Variants in GLIS3 observed in about 807,000 individuals in gnomAD.
GLIS3 encodes the protein zinc finger protein GLIS3.
GLIS3 carries 53 observed loss-of-function variants against 78.6 expected under a neutral mutation model. The ratio of observed to expected loss-of-function variants is 0.67; its 90% CI spans 0.54 to 0.85. The LOEUF (loss-of-function observed/expected upper bound fraction) is 0.85, where lower values mean the gene tolerates loss of function less well. Among genes scored for constraint, GLIS3 ranks in the 40% least tolerant of loss-of-function variants. The probability of loss-of-function intolerance (pLI) is 0.00; values close to 1 mark genes in which losing one functional copy is unlikely to be tolerated. For synonymous variants in GLIS3, 684 were observed against 509.9 expected (o/e 1.34, Z -4.60); for missense variants, 1,703 against 1,231.1 (o/e 1.38, Z -5.74).
chr9:4,439,722 G>C, the GLIS3 span, among the ~76,000 whole-genome samples: 2 of 152,162 alleles, frequency 1.3e-5, no homozygotes, highest in South Asian at 2.1e-4. Flanking sequence ...GTCCAGGCTG[G>C]AGAGCAGTGG....
Position 4,098,183 on chromosome 9 carries a change from C to T in GLIS3, c.1710+19585G>A, listed in dbSNP as rs1391590039. ...CTGAAGCTACAGAAGAATTCACTTT[C>T]GAAACTTTGTAACACGTTCTTACTT... On this transcript the variant is annotated intron_variant, in intron 4 of 10. Coordinates refer to ENST00000381971, the MANE Select transcript of GLIS3 (RefSeq NM_001042413.2). Among the ~76,000 whole-genome samples the T allele has an allele frequency of 4.6e-5, 7 of 152,224 alleles. 1 individual carries two copies. The highest frequency in any genetic ancestry group is 4.1e-4 in the South Asian group (2 of 4,820).
intron 4 of GLIS3, among the ~76,000 whole-genome samples, chr9:4,088,286 C>T (rs894187503): frequency 5.3e-5 from 8 of 152,220 alleles, no homozygotes; most frequent in African/African-American, 1.9e-4. Flanking sequence ...TTTTTATTTA[C>T]CTTTGCAGTC....
chr9:4,110,541 C>G (rs1288803908), intron 4 of GLIS3, among the ~76,000 whole-genome samples: 6 of 152,154 alleles, frequency 3.9e-5, no homozygotes, highest in African/African-American at 1.4e-4. Flanking sequence ...AGGTTTCATT[C>G]CACTTTCTCA....
intron 2 of GLIS3, among the ~76,000 whole-genome samples, chr9:4,330,511 A>C (rs1312162885): frequency 6.6e-6 from 1 of 152,144 alleles, no homozygotes; most frequent in Non-Finnish European, 1.5e-5. Flanking sequence ...AAATTAAACA[A>C]CCTCCACTTA....
intron 6 of GLIS3, among the ~76,000 whole-genome samples, chr9:3,913,293 G>A (rs1322572048): frequency 3.3e-5 from 5 of 152,160 alleles, no homozygotes; most frequent in Non-Finnish European, 4.4e-5. Flanking sequence ...GAAGACTGTC[G>A]TTTCAATGGA....
At chr9:4,364,959 T>G in the GLIS3 span, among the ~76,000 whole-genome samples, 1 of 152,076 alleles carries the variant, frequency 6.6e-6, no homozygotes. Context: ...TTTGTTGCTT[T>G]TAAAATAAGA....
the GLIS3 span, among the ~76,000 whole-genome samples, chr9:4,361,484 C>G: frequency 6.6e-6 from 1 of 152,200 alleles, no homozygotes; most frequent in Non-Finnish European, 1.5e-5. Context: ...AGGGTTGACC[C>G]CGTTCCCTTC....
intron 4 of GLIS3, among the ~76,000 whole-genome samples, chr9:4,027,646 G>T (rs1823456538): frequency 6.6e-6 from 1 of 152,118 alleles, no homozygotes; most frequent in Admixed American, 6.6e-5. Context: ...CATGTACTGT[G>T]CTTGTTCTCT....
intron 7 of GLIS3, among the ~76,000 whole-genome samples, chr9:3,891,042 G>C (rs1822395738): frequency 7.0e-6 from 1 of 143,240 alleles, no homozygotes; most frequent in Admixed American, 7.3e-5. Flanking sequence ...CAAACTTTTA[G>C]GCTTCCACTT....
chr9:4,153,884 G>A (rs1460928830), intron 2 of GLIS3, among the ~76,000 whole-genome samples: 1 of 152,202 alleles, frequency 6.6e-6, no homozygotes, highest in Non-Finnish European at 1.5e-5. Flanking sequence ...TCTAGGGGTT[G>A]ACTGGGCCCA....
intron 2 of GLIS3, among the ~76,000 whole-genome samples, chr9:4,221,514 A>C (rs753816997): frequency 3.9e-5 from 6 of 152,224 alleles, no homozygotes; most frequent in Non-Finnish European, 7.3e-5. Context: ...ATGGAAATGT[A>C]AAGATCAATT....
At chr9:4,220,274 C>T (rs1309890498) in intron 2 of GLIS3, among the ~76,000 whole-genome samples, 2 of 152,142 alleles carry the variant, frequency 1.3e-5, no homozygotes, top group Non-Finnish European at 1.5e-5. Context: ...AAATGATTAG[C>T]TTTTATCCTA....
At chr9:4,379,477 C>G in the GLIS3 span, among the ~76,000 whole-genome samples, 4 of 152,198 alleles carry the variant, frequency 2.6e-5, no homozygotes, top group Admixed American at 1.3e-4. Context: ...CAACATTAGT[C>G]CCTTCTTTTA....
intron 4 of GLIS3, among the ~76,000 whole-genome samples, chr9:4,059,829 T>TGTGTGTGTGTGTGTGTGTGTGA: frequency 0.056 from 5,584 of 100,196 alleles, 275 homozygotes; most frequent in Non-Finnish European, 0.08. Flanking sequence ...TGTGTGTGTG[T>TGTGTGTGTGTGTGTGTGTGTGA]GAGAGAGAGA....
intron 1 of GLIS3, among the ~76,000 whole-genome samples, chr9:4,296,767 GA>G (rs916202901): frequency 1.0e-4 from 15 of 149,764 alleles, no homozygotes; most frequent in Admixed American, 2.7e-4. Context: ...TGAAAATAGC[GA>G]AAAAAAAATG....
At chr9:4,380,492 C>G in the GLIS3 span, among the ~76,000 whole-genome samples, 1 of 152,184 alleles carries the variant, frequency 6.6e-6, no homozygotes, top group Non-Finnish European at 1.5e-5. Context: ...AATGTCAGAG[C>G]TGAAGACAAA....
At chr9:4,452,290 C>CT in the GLIS3 span, among the ~76,000 whole-genome samples, 1 of 152,138 alleles carries the variant, frequency 6.6e-6, no homozygotes, top group Non-Finnish European at 1.5e-5. Flanking sequence ...TCTCACCACC[C>CT]TTATTCAACA....
chr9:4,223,965 A>T (rs1390204899), intron 2 of GLIS3, among the ~76,000 whole-genome samples: 1 of 152,060 alleles, frequency 6.6e-6, no homozygotes. Context: ...AATGCCATCA[A>T]ATTCAACAGC....
intron 2 of GLIS3, among the ~76,000 whole-genome samples, chr9:4,252,618 T>C (rs1338087805): frequency 6.6e-6 from 1 of 152,176 alleles, no homozygotes. Flanking sequence ...TGTTAATTCA[T>C]CAAACTCATT....
Sources: allele counts gnomAD v4.1 joint callset (sites outside exome capture counted in the v4.1 genomes callset), GRCh38; gene constraint gnomAD v4.1.1; transcripts MANE v1.5; gene names NCBI Gene and HGNC (gene_info 2026-07-23, HGNC 2026-07-21).